Variants in SLC19A2 observed in about 807,000 individuals in gnomAD.
SLC19A2 encodes solute carrier family 19 member 2.
SLC19A2 carries 27 observed loss-of-function variants against 44.7 expected under a neutral mutation model. The observed-to-expected ratio is 0.60, with a 90% confidence interval of 0.45 to 0.83. The LOEUF is 0.83. Among genes scored for constraint, SLC19A2 ranks in the 40% least tolerant of loss-of-function variants. The probability of loss-of-function intolerance (pLI) is 0.00; values close to 1 mark genes in which losing one functional copy is unlikely to be tolerated. For synonymous variants in SLC19A2, 239 were observed against 243.6 expected (o/e 0.98, Z 0.18); for missense variants, 566 against 613.7 (o/e 0.92, Z 0.82).
At chr1:169,471,557 C>A (rs1345896781) in intron 2 of SLC19A2, among the ~76,000 whole-genome samples, 1 of 142,396 alleles carries the variant, frequency 7.0e-6, no homozygotes, top group African/African-American at 2.6e-5. Context: ...CCCTGCTACT[C>A]AGGAGACTGA....
At chr1:169,477,813 A>T in intron 1 of SLC19A2, 56 bp from the exon 2 acceptor site, 1 of 1,528,318 alleles carries the variant, frequency 6.5e-7, no homozygotes, top group East Asian at 2.3e-5. Flanking sequence ...AGGACCTGGA[A>T]TACTCATAAA....
rs940943737 is a variant in SLC19A2 at position 169,468,761 on chromosome 1, A to G, written c.1106T>C (p.Phe369Ser). The stretch of plus-strand genomic sequence containing the variant: ...CACTGCAGCAGCAATCAGGAGAGAA[A>G]AGAGAGATAATGTCATTTCTCCCCA... ...STWGEMTLSL[F>S]SLLIAAAVYI... is the part of the protein sequence containing the mutation. Residue 369 changes from phenylalanine (F) to serine (S), a missense_variant, in exon 4 of 6, where the codon TTT (phenylalanine) becomes TCT (serine). Physicochemically the swap from Phe to Ser is radical, Grantham distance 155 (BLOSUM62 -2). Coordinates refer to ENST00000236137, the MANE Select transcript of SLC19A2 (RefSeq NM_006996.3). 6.2e-7 allele frequency: 1 copy of G among 1,613,936 alleles called. No individual in the cohort carries two copies. Among genetic ancestry groups the G allele is most frequent in the African/African-American group, 1.3e-5 (1 of 75,026 alleles).
Position 169,485,870 on chromosome 1 carries a change from T to C in SLC19A2, c.-104A>G. 2 of 1,307,646 alleles carry C rather than the reference T, an allele frequency of 1.5e-6. No homozygotes were observed. Among genetic ancestry groups the C allele is most frequent in the Admixed American group, 2.6e-5 (1 of 38,668 alleles). 81.0% of individuals were successfully genotyped at this position (1,307,646 alleles called of 1,614,324 possible). ...GTAACCGCGAGTGACGCCTTCTCCC[T>C]GTAAGGCCAGGACGTTCTGGACTCG... On this transcript the variant is annotated 5_prime_UTR_variant, in exon 1 of 6. Coordinates refer to ENST00000236137, the MANE Select transcript of SLC19A2 (RefSeq NM_006996.3).
intron 1 of SLC19A2, 48 bp downstream of exon 1, chr1:169,485,515 G>A (rs558597732): frequency 9.7e-6 from 15 of 1,542,974 alleles, no homozygotes; most frequent in Non-Finnish European, 1.2e-5. Context: ...CTGCCCACCC[G>A]CAGGCCGGTC....
In SLC19A2 at chr1:169,471,698, G is replaced by GTGTGTGTGTGTGTGTGTA. The variant is rs1553212202; in HGVS notation, c.808-1513_808-1512insTACACACACACACACACA. ...AACGTGTGTGTGTGTGTGTGTGTGT[G>GTGTGTGTGTGTGTGTGTA]TATATATACACACACACCATATATA... On this transcript the variant is annotated intron_variant, in intron 2 of 5. Coordinates refer to ENST00000236137, the MANE Select transcript of SLC19A2 (RefSeq NM_006996.3). 0.027 allele frequency among the ~76,000 whole-genome samples: 3,905 copies of GTGTGTGTGTGTGTGTGTA among 146,878 alleles called. 477 individuals carry two copies. The East Asian group carries it at 0.42, about 16-fold the overall frequency.
intron 1 of SLC19A2, among the ~76,000 whole-genome samples, chr1:169,478,175 G>C (rs1658369485): frequency 6.6e-6 from 1 of 152,036 alleles, no homozygotes; most frequent in South Asian, 2.1e-4. Flanking sequence ...AGGATTACAA[G>C]GGTGAGCCAC....
At chr1:169,468,977 ACT>A in intron 3 of SLC19A2, 141 bp from the exon 4 acceptor site, 2 of 703,950 alleles carry the variant, frequency 2.8e-6, no homozygotes, top group South Asian at 1.8e-5. Flanking sequence ...GGGCCTTGAA[ACT>A]CACACAGAAA....
At chr1:169,473,328 G>A (rs933270134) in intron 2 of SLC19A2, among the ~76,000 whole-genome samples, 3 of 152,040 alleles carry the variant, frequency 2.0e-5, no homozygotes, top group South Asian at 4.2e-4. Flanking sequence ...TCTGCCTCCC[G>A]GGTTAAAGCA....
At chr1:169,467,658 T>C (rs1658068383) in intron 5 of SLC19A2, among the ~76,000 whole-genome samples, 1 of 152,192 alleles carries the variant, frequency 6.6e-6, no homozygotes. Flanking sequence ...AATCATAATG[T>C]TGTTCATCAG....
chr1:169,473,805 C>T (rs1481105781), intron 2 of SLC19A2, among the ~76,000 whole-genome samples: 1 of 151,720 alleles, frequency 6.6e-6, no homozygotes, highest in East Asian at 2.0e-4. Flanking sequence ...GCTCTATTTA[C>T]AACCTCACAA....
intron 5 of SLC19A2, among the ~76,000 whole-genome samples, chr1:169,466,215 C>T (rs1325738849): frequency 2.0e-5 from 3 of 152,190 alleles, no homozygotes; most frequent in Non-Finnish European, 4.4e-5. Context: ...TGAGATACTT[C>T]ATCTCTGAGC....
intron 2 of SLC19A2, among the ~76,000 whole-genome samples, chr1:169,474,815 C>T (rs934927608): frequency 2.6e-5 from 4 of 152,108 alleles, no homozygotes; most frequent in Non-Finnish European, 5.9e-5. Flanking sequence ...TACCAAGCAG[C>T]ACTGCCCATC....
At chr1:169,468,949 A>G in intron 3 of SLC19A2, 113 bp from the exon 4 acceptor site, 1 of 901,198 alleles carries the variant, frequency 1.1e-6, no homozygotes, top group South Asian at 1.5e-5. Flanking sequence ...TATAAACAGA[A>G]TAGCTCAAGA....
intron 2 of SLC19A2, among the ~76,000 whole-genome samples, chr1:169,473,813 C>T (rs1022078823): frequency 6.6e-6 from 1 of 151,626 alleles, no homozygotes; most frequent in Non-Finnish European, 1.5e-5. Context: ...TACAACCTCA[C>T]AAATACATGA....
In SLC19A2 at chr1:169,477,758, C is replaced by G. The variant is rs1310642308; in HGVS notation, c.205-1G>C. Reference sequence around the variant, plus strand: ...ATACTGGATAAATTTCATTGAAGACCTGGTAGAAAGAGAAAAAAAAAAAAC... The same window carrying G: ...ATACTGGATAAATTTCATTGAAGACGTGGTAGAAAGAGAAAAAAAAAAAAC... On this transcript the variant is annotated splice_acceptor_variant, in intron 1 of 5. Coordinates refer to ENST00000236137, the MANE Select transcript of SLC19A2 (RefSeq NM_006996.3). LOFTEE classifies it high-confidence loss of function. The G allele has an allele frequency of 6.2e-7, 1 of 1,604,592 alleles. No individual in the cohort carries two copies. The highest frequency in any genetic ancestry group is 2.2e-5 in the East Asian group (1 of 44,778).
At chr1:169,481,772 G>A (rs1294584152) in intron 1 of SLC19A2, among the ~76,000 whole-genome samples, 1 of 152,200 alleles carries the variant, frequency 6.6e-6, no homozygotes, top group Non-Finnish European at 1.5e-5. Context: ...GAGCTACAAA[G>A]TCAAGGGAAA....
At position 169,464,371 on chromosome 1, in the gene SLC19A2, G is replaced by A. The variant is rs989505584; in HGVS notation, c.*1478C>T. On this transcript the variant is annotated 3_prime_UTR_variant, in exon 6 of 6. Coordinates refer to ENST00000236137, the MANE Select transcript of SLC19A2 (RefSeq NM_006996.3). ...CTTCCCTTTCCCTTCCTTAGCTAGTGTTCTTTTCCTTTCCCTTAATAGTAA... is the reference window on the plus strand; with the variant it reads ...CTTCCCTTTCCCTTCCTTAGCTAGTATTCTTTTCCTTTCCCTTAATAGTAA... The A allele has an allele frequency of 2.0e-5, 3 of 152,274 alleles. No homozygotes were observed. Among genetic ancestry groups the A allele is most frequent in the African/African-American group, 7.2e-5 (3 of 41,430 alleles). 9.4% of individuals were successfully genotyped at this position (152,274 alleles called of 1,614,324 possible).
rs1292294240 is a variant in SLC19A2, at chr1:169,485,695, C to G, written c.72G>C (p.Arg24=). The G allele has an allele frequency of 6.5e-7, 1 of 1,546,790 alleles. No individual in the cohort carries two copies. The highest frequency in any genetic ancestry group is 2.4e-5 in the East Asian group (1 of 40,904). The change falls in exon 1 of 6, where the codon CGG becomes CGC. Residue 24 remains arginine (R), a synonymous_variant. Coordinates refer to ENST00000236137, the MANE Select transcript of SLC19A2 (RefSeq NM_006996.3). ...GCAAGAACCAGCATTCGCGACGGAC[C>G]CGAGCGGTCCGCAGGAGCACAGTGG... ...AAATVLLRTA[R]VRRECWFLPT...
intron 1 of SLC19A2, among the ~76,000 whole-genome samples, chr1:169,485,297 C>T (rs1340182600): frequency 1.3e-5 from 2 of 152,242 alleles, no homozygotes; most frequent in African/African-American, 4.8e-5. Context: ...AGCCACATTA[C>T]AACACGATCA....
Sources: gnomAD v4.1 joint callset for allele counts (sites outside exome capture counted in the v4.1 genomes callset) on GRCh38, gnomAD v4.1.1 for gene constraint, MANE v1.5 for transcripts, NCBI Gene and HGNC (gene_info 2026-07-23, HGNC 2026-07-21) for gene names.